Variants in ZC3H11A observed in about 807,000 individuals in gnomAD.
The protein encoded by ZC3H11A is zinc finger CCCH-type containing 11A.
In ZC3H11A, 22 loss-of-function variants were observed where a neutral mutation model predicts 90.8. The observed-to-expected ratio is 0.24, with a 90% CI of 0.17 to 0.35. The LOEUF (loss-of-function observed/expected upper bound fraction) is 0.35, where lower values mean the gene tolerates loss of function less well. ZC3H11A is among the 10% of genes least tolerant of loss of function. The pLI is 1.00. For synonymous variants in ZC3H11A, 294 were observed against 339.8 expected, an observed-to-expected ratio of 0.87 and a Z score of 1.48; for missense variants, 701 against 964.9, an observed-to-expected ratio of 0.73 and a Z score of 3.62.
At chr1:203,803,521 T>C (rs1671167978) in intron 2 of ZC3H11A, among the ~76,000 whole-genome samples, 1 of 152,190 alleles carries the variant, frequency 6.6e-6, no homozygotes, top group South Asian at 2.1e-4. Context: ...TTTGATAATA[T>C]ATGTACATTG....
chr1:203,815,445 C>G (rs1391758999), intron 2 of ZC3H11A, among the ~76,000 whole-genome samples: 3 of 149,114 alleles, frequency 2.0e-5, no homozygotes, highest in Non-Finnish European at 4.4e-5. Context: ...TCTCGAACTC[C>G]TGGACTCAAG....
chr1:203,813,974 T>C (rs1359648752), intron 2 of ZC3H11A, among the ~76,000 whole-genome samples: 1 of 150,826 alleles, frequency 6.6e-6, no homozygotes, highest in Non-Finnish European at 1.5e-5. Flanking sequence ...CATTCTTGTT[T>C]TTTTTTTTTG....
At chr1:203,811,806 A>C (rs1447178564) in intron 2 of ZC3H11A, among the ~76,000 whole-genome samples, 1 of 149,900 alleles carries the variant, frequency 6.7e-6, no homozygotes, top group Non-Finnish European at 1.5e-5. Flanking sequence ...AAGTATTCAG[A>C]TAGCTTTGTC....
chr1:203,828,156 A>C, intron 4 of ZC3H11A, 143 bp from the exon 5 acceptor site: 1 of 905,874 alleles, frequency 1.1e-6, no homozygotes, highest in Non-Finnish European at 1.7e-6. Flanking sequence ...ATTTTCAGCA[A>C]TCTCTCTTCC....
At chr1:203,840,542 C>A (rs1465759268) in intron 12 of ZC3H11A, among the ~76,000 whole-genome samples, 168 bp downstream of exon 12, 1 of 151,966 alleles carries the variant, frequency 6.6e-6, no homozygotes, top group Non-Finnish European at 1.5e-5. Flanking sequence ...CAACTGGGAT[C>A]AATTCCTTTT....
chr1:203,815,768 T>A (rs1676168087), intron 2 of ZC3H11A, among the ~76,000 whole-genome samples: 1 of 152,180 alleles, frequency 6.6e-6, no homozygotes, highest in Admixed American at 6.5e-5. Context: ...TGACTGAATT[T>A]GATTTAATTG....
intron 4 of ZC3H11A, among the ~76,000 whole-genome samples, chr1:203,823,987 A>G (rs1370648461): frequency 1.3e-5 from 2 of 152,066 alleles, no homozygotes; most frequent in Admixed American, 1.3e-4. Flanking sequence ...AGGAGAGGGA[A>G]GCCGGGCGCC....
At chr1:203,815,216 C>CCTTT (rs1553261509) in intron 2 of ZC3H11A, among the ~76,000 whole-genome samples, 1 of 97,154 alleles carries the variant, frequency 1.0e-5, no homozygotes, top group Non-Finnish European at 1.9e-5. Context: ...CTTTTCTTTT[C>CCTTT]TTTTTTTTTT....
At chr1:203,815,716 A>G (rs1232361331) in intron 2 of ZC3H11A, among the ~76,000 whole-genome samples, 1 of 152,172 alleles carries the variant, frequency 6.6e-6, no homozygotes, top group African/African-American at 2.4e-5. Flanking sequence ...ACTTTTCATC[A>G]TGGCATACCA....
chr1:203,849,614 T>G lies in ZC3H11A; in HGVS notation c.1624-97T>G, dbSNP rs778140645. 155 of 1,151,202 alleles carry G rather than the reference T, an allele frequency of 1.3e-4. 1 individual carries two copies. The highest frequency in any genetic ancestry group is 1.9e-4 in the Non-Finnish European group (151 of 792,002). 71.3% of individuals were successfully genotyped at this position (1,151,202 alleles called of 1,614,324 possible). On this transcript the variant is annotated intron_variant, in intron 14 of 17. Transcript: ENST00000367210. ...CTTTTCTCTCAGATTCTGGATCATG[T>G]GAGATTCTGCTTAACTTAGATGTTA...
chr1:203,795,664 G>A lies in ZC3H11A; in HGVS notation c.-1718G>A, dbSNP rs982230381. The A allele has an allele frequency of 2.0e-5, 3 of 152,246 alleles. No individual in the cohort carries two copies. Among genetic ancestry groups the A allele is most frequent in the African/African-American group, 7.2e-5 (3 of 41,462 alleles). The allele number at this position is 152,246 out of a possible 1,614,324, so 9.4% of individuals were successfully genotyped here. ...CCAGGCGCCATCTTTGACGCTGGCAGTCTTGGTTTTCTGCTAGTGCTGCTG... is the reference window on the plus strand; with the variant it reads ...CCAGGCGCCATCTTTGACGCTGGCAATCTTGGTTTTCTGCTAGTGCTGCTG... On this transcript the variant is annotated 5_prime_UTR_variant, in exon 1 of 18. Transcript: ENST00000367210.
intron 14 of ZC3H11A, 98 bp from the exon 15 acceptor site, chr1:203,849,613 G>T: frequency 8.7e-7 from 1 of 1,145,614 alleles, no homozygotes; most frequent in Middle Eastern, 2.1e-4. Flanking sequence ...TCTGGATCAT[G>T]TGAGATTCTG....
chr1:203,848,449 A>G (rs781368100), intron 14 of ZC3H11A, 42 bp downstream of exon 14: 2 of 1,475,634 alleles, frequency 1.4e-6, no homozygotes, highest in Admixed American at 2.0e-5. Flanking sequence ...ATGGCAAACA[A>G]AGGCTAGATA....
Position 203,847,676 on chromosome 1 carries a change from C to G in ZC3H11A, c.1535C>G (p.Thr512Ser), listed in dbSNP as rs1326346890. ...GGGGCAAGGCGGCTGCTGCGAATCA[C>G]CAAAAGAACAGGTAACAAGAGAACT... ...TPGARRLLRI[T>S]KRTGMKEEKN... The change falls in exon 13 of 18, where the codon ACC (threonine) becomes AGC (serine). Residue 512 changes from threonine to serine, a missense_variant. Thr to Ser is a moderately conservative substitution (Grantham distance 58, BLOSUM62 1). Coordinates refer to ENST00000367210, the MANE Select transcript of ZC3H11A (RefSeq NM_001376342.1). The G allele has an allele frequency of 3.1e-6, 5 of 1,612,112 alleles. No homozygotes were observed. The Admixed American group carries it at 8.4e-5, about 27-fold the overall frequency.
intron 10 of ZC3H11A, among the ~76,000 whole-genome samples, chr1:203,834,258 A>G (rs970561696): frequency 1.3e-5 from 2 of 152,142 alleles, no homozygotes; most frequent in Admixed American, 1.3e-4. Flanking sequence ...CCTTGAGTCT[A>G]TTGGTGCTTG....
intron 14 of ZC3H11A, 63 bp downstream of exon 14, chr1:203,848,470 T>C (rs1174860735): frequency 1.6e-6 from 2 of 1,270,374 alleles, no homozygotes; most frequent in Non-Finnish European, 2.2e-6. Context: ...ATTGGTAGTT[T>C]TACCTTACAA....
At chr1:203,821,972 T>C (rs1410450184) in intron 4 of ZC3H11A, among the ~76,000 whole-genome samples, 1 of 152,128 alleles carries the variant, frequency 6.6e-6, no homozygotes, top group African/African-American at 2.4e-5. Context: ...TTAGCCAGGA[T>C]GGTCTCGATC....
At chr1:203,831,840 G>T in intron 9 of ZC3H11A, 69 bp downstream of exon 9, 1 of 1,285,454 alleles carries the variant, frequency 7.8e-7, no homozygotes. Context: ...CAAAATCCTT[G>T]GGTATCTTTT....
intron 2 of ZC3H11A, among the ~76,000 whole-genome samples, chr1:203,811,311 G>A (rs543996307): frequency 6.6e-6 from 1 of 152,166 alleles, no homozygotes; most frequent in South Asian, 2.1e-4. Flanking sequence ...TCGAAACTCC[G>A]TCTCCAGATA....
Sources: allele counts gnomAD v4.1 joint callset (sites outside exome capture counted in the v4.1 genomes callset), GRCh38; gene constraint gnomAD v4.1.1; transcripts MANE v1.5; gene names NCBI Gene and HGNC (gene_info 2026-07-23, HGNC 2026-07-21).